INPP4A: variants seen among roughly 807,000 people sequenced by gnomAD.
INPP4A encodes inositol polyphosphate-4-phosphatase, type I, 107kD.
INPP4A carries 33 observed loss-of-function variants against 119.8 expected under a neutral mutation model. That is an observed-to-expected ratio of 0.28 (90% confidence interval 0.21 to 0.37). INPP4A has a LOEUF of 0.37. INPP4A is among the 10% of genes least tolerant of loss of function. INPP4A has a pLI of 1.00. For missense variants in INPP4A, 956 were observed against 1,289.9 expected (o/e 0.74, Z 3.97); for synonymous variants, 496 against 500.7 (o/e 0.99, Z 0.12).
chr2:98,565,973 C>T (rs1353082242), intron 20 of INPP4A, 56 bp from the exon 21 acceptor site: 2 of 1,564,746 alleles, frequency 1.3e-6, no homozygotes, highest in Non-Finnish European at 1.7e-6. Flanking sequence ...GGCACTGCAG[C>T]CTGCTCGGTG....
chr2:98,539,275 C>T (rs1690936338), intron 9 of INPP4A, among the ~76,000 whole-genome samples: 1 of 152,204 alleles, frequency 6.6e-6, no homozygotes, highest in Admixed American at 6.5e-5. Flanking sequence ...CTGACGACAG[C>T]CTCCCTGCCC....
chr2:98,461,149 G>A (rs1193483770), intron 1 of INPP4A, among the ~76,000 whole-genome samples: 1 of 152,320 alleles, frequency 6.6e-6, no homozygotes, highest in African/African-American at 2.4e-5. Context: ...TGGTTTGGTA[G>A]TGAGAGATGA....
At chr2:98,491,810 G>A (rs2105245545) in intron 1 of INPP4A, among the ~76,000 whole-genome samples, 1 of 152,254 alleles carries the variant, frequency 6.6e-6, no homozygotes, top group Non-Finnish European at 1.5e-5. Flanking sequence ...TAAAATCAGG[G>A]AAGAATATAC....
chr2:98,495,133 G>A (rs1378696072), intron 1 of INPP4A, among the ~76,000 whole-genome samples: 2 of 152,034 alleles, frequency 1.3e-5, no homozygotes, highest in Non-Finnish European at 1.5e-5. Flanking sequence ...TTGCTACAGT[G>A]TCTTAGCTAA....
At chr2:98,511,136 T>C (rs934019410) in intron 1 of INPP4A, among the ~76,000 whole-genome samples, 6 of 152,096 alleles carry the variant, frequency 3.9e-5, no homozygotes, top group South Asian at 2.1e-4. Flanking sequence ...CTGGGCTCAC[T>C]GCAACCTCCA....
chr2:98,457,995 T>G (rs907802388), intron 1 of INPP4A, among the ~76,000 whole-genome samples: 30 of 151,394 alleles, frequency 2.0e-4, no homozygotes, highest in Admixed American at 1.9e-3. Context: ...TTTTTTTTTT[T>G]TTTTGTTTAA....
chr2:98,564,355 C>T (rs567011302), intron 18 of INPP4A, among the ~76,000 whole-genome samples: 1 of 152,288 alleles, frequency 6.6e-6, no homozygotes, highest in East Asian at 1.9e-4. Context: ...TAATGGGCTT[C>T]CAGAAGTTCC....
chr2:98,500,690 T>A (rs1682950664), intron 1 of INPP4A, among the ~76,000 whole-genome samples: 1 of 152,166 alleles, frequency 6.6e-6, no homozygotes, highest in Admixed American at 6.5e-5. Context: ...TAAACCCACC[T>A]AACAGGATTC....
intron 1 of INPP4A, among the ~76,000 whole-genome samples, chr2:98,477,884 T>G (rs745360773): frequency 6.6e-6 from 1 of 152,156 alleles, no homozygotes; most frequent in African/African-American, 2.4e-5. Flanking sequence ...GGATTGGAAA[T>G]GGAGAGGGCA....
At chr2:98,534,211 G>A (rs910113253) in intron 5 of INPP4A, among the ~76,000 whole-genome samples, 5 of 152,170 alleles carry the variant, frequency 3.3e-5, no homozygotes, top group African/African-American at 9.7e-5. Context: ...AGCAGTTGTC[G>A]AGTGCTACCT....
rs61004494 is a variant in INPP4A at position 98,502,815 on chromosome 2, A to G, written c.-165-16149A>G. On this transcript the variant is annotated intron_variant, in intron 1 of 24. Transcript: ENST00000409851. ...AGGAGACCTAGCTCAAAGGCAAAAG[A>G]TGGCCCTGCTCTAAGGGTTTTATTA... Among the ~76,000 whole-genome samples the G allele has an allele frequency of 5.3e-5, 8 of 152,320 alleles. No homozygotes were observed. The East Asian group carries it at 1.2e-3, about 22-fold the overall frequency.
chr2:98,568,502 A>T, intron 21 of INPP4A, 69 bp from the exon 22 acceptor site: 1 of 741,048 alleles, frequency 1.3e-6, no homozygotes. Context: ...GTTAGCTTCC[A>T]TGCAGTTGTG....
chr2:98,585,832 AGAT>A (rs1467572620), intron 24 of INPP4A, among the ~76,000 whole-genome samples: 2 of 152,268 alleles, frequency 1.3e-5, no homozygotes, highest in Non-Finnish European at 2.9e-5. Context: ...TGTAAATAAA[AGAT>A]AATGTCAAAG....
rs529414512 is a variant in INPP4A at position 98,511,204 on chromosome 2, C to T, written c.-165-7760C>T. ...CCTCCCAAGTAGCTGGGACTACAGG[C>T]ACGTGCCACCACGCCCAGCTAATTT... On this transcript the variant is annotated intron_variant, in intron 1 of 24. Coordinates refer to ENST00000409851, the MANE Select transcript of INPP4A (RefSeq NM_001134225.2). 5.9e-5 allele frequency among the ~76,000 whole-genome samples: 9 copies of T among 152,236 alleles called. No homozygotes were observed. The South Asian group carries it at 1.9e-3, about 32-fold the overall frequency.
At chr2:98,445,623 A>G (rs758384946) in intron 1 of INPP4A, among the ~76,000 whole-genome samples, 76 of 152,322 alleles carry the variant, frequency 5.0e-4, no homozygotes, top group Non-Finnish European at 8.8e-4. Flanking sequence ...AGAAATGTGC[A>G]GGGATCTGTG....
rs376518745 is a variant in INPP4A, at chr2:98,555,632, T to C, written c.1646T>C (p.Leu549Pro). 9.9e-6 allele frequency: 16 copies of C among 1,613,626 alleles called. No individual in the cohort carries two copies. The African/African-American group carries it at 2.0e-4, about 20-fold the overall frequency. The part of the protein sequence containing the change: ...RVDKLLQKER[L>P]HGEGCEDVFP... ...GACAAGCTGCTGCAGAAGGAGCGGCTGCATGGCGAGGGCTGTGAGGATGTC... is the reference window on the plus strand; with the variant it reads ...GACAAGCTGCTGCAGAAGGAGCGGCCGCATGGCGAGGGCTGTGAGGATGTC... The change falls in exon 16 of 25, where the codon CTG (leucine) becomes CCG (proline). Residue 549 changes from leucine (L) to proline (P), a missense_variant. Coordinates refer to ENST00000409851, the MANE Select transcript of INPP4A (RefSeq NM_001134225.2).
chr2:98,528,908 C>G (rs916221409), intron 4 of INPP4A, among the ~76,000 whole-genome samples: 3 of 151,908 alleles, frequency 2.0e-5, no homozygotes, highest in African/African-American at 7.3e-5. Flanking sequence ...AAACCCATCT[C>G]TACTAAAAAT....
At chr2:98,565,936 C>A (rs1280592866) in intron 20 of INPP4A, 93 bp from the exon 21 acceptor site, 4 of 1,509,138 alleles carry the variant, frequency 2.7e-6, no homozygotes, top group Non-Finnish European at 3.6e-6. Flanking sequence ...GGCAGTTTGG[C>A]CATCACTAAG....
chr2:98,573,519 G>T lies in INPP4A; in HGVS notation c.2631+592G>T, dbSNP rs1234409880. The stretch of plus-strand genomic sequence containing the variant: ...TGGGACTCGGGCACACATGGCCCCA[G>T]TGGCATTCCCGCTCCCTGCCTGGGC... On this transcript the variant is annotated intron_variant, in intron 23 of 24. Transcript: ENST00000409851. Among the ~76,000 whole-genome samples, 3 of 152,200 alleles carry T rather than the reference G, an allele frequency of 2.0e-5. No homozygotes were observed. The South Asian group carries it at 6.2e-4, about 32-fold the overall frequency.
Sources: allele counts gnomAD v4.1 joint callset (sites outside exome capture counted in the v4.1 genomes callset), GRCh38; gene constraint gnomAD v4.1.1; transcripts MANE v1.5; gene names NCBI Gene and HGNC (gene_info 2026-07-23, HGNC 2026-07-21).